The following DCC variants were observed in gnomAD, a reference collection of about 807,000 sequenced individuals.
DCC encodes the protein DCC netrin 1 receptor.
Under a neutral mutation model 172.5 loss-of-function variants are expected in DCC, and 58 were observed. The observed-to-expected ratio is 0.34, with a 90% CI of 0.27 to 0.42. The LOEUF (loss-of-function observed/expected upper bound fraction) is 0.42, where lower values mean the gene tolerates loss of function less well. DCC is among the 10% of genes least tolerant of loss of function. The pLI, the probability that DCC is intolerant of heterozygous loss-of-function variation, is 1.00. For synonymous variants in DCC, 709 were observed against 644.5 expected, an observed-to-expected ratio of 1.10 and a Z score of -1.52; for missense variants, 1,740 against 1,791.0, an observed-to-expected ratio of 0.97 and a Z score of 0.51.
chr18:53,215,490 G>A (rs1568370172), intron 11 of DCC, 58 bp from the exon 12 acceptor site: 7 of 1,280,050 alleles, frequency 5.5e-6, no homozygotes, highest in East Asian at 2.3e-5. Context: ...CTAGACAGGT[G>A]GTATTTTTCT....
At chr18:52,535,124 C>T (rs963660828) in intron 1 of DCC, among the ~76,000 whole-genome samples, 8 of 152,186 alleles carry the variant, frequency 5.3e-5, no homozygotes, top group East Asian at 3.9e-4. Flanking sequence ...CCAGCTCCAT[C>T]ATGGAAGAGA....
chr18:52,800,934 T>C (rs940118547), intron 2 of DCC, among the ~76,000 whole-genome samples: 2 of 152,292 alleles, frequency 1.3e-5, no homozygotes, highest in Non-Finnish European at 2.9e-5. Context: ...AGCTGGCGTA[T>C]TGGCAGGGTG....
intron 18 of DCC, among the ~76,000 whole-genome samples, chr18:53,399,969 A>G (rs1909191659): frequency 1.3e-5 from 2 of 152,106 alleles, no homozygotes. Context: ...GTGGACCAAG[A>G]TATTAATTAA....
intron 7 of DCC, among the ~76,000 whole-genome samples, chr18:53,149,952 T>G (rs1471119734): frequency 6.6e-6 from 1 of 152,144 alleles, no homozygotes; most frequent in Middle Eastern, 3.2e-3. Context: ...GGATACAAGG[T>G]CAGCCCAAAC....
intron 7 of DCC, among the ~76,000 whole-genome samples, chr18:53,119,428 C>T (rs190626866): frequency 7.8e-4 from 118 of 151,838 alleles, no homozygotes; most frequent in African/African-American, 2.7e-3. Flanking sequence ...CTGACCAAGG[C>T]CTCCATCCTC....
chr18:52,648,455 C>T (rs937475407), intron 1 of DCC, among the ~76,000 whole-genome samples: 6 of 152,176 alleles, frequency 3.9e-5, no homozygotes, highest in Admixed American at 6.5e-5. Flanking sequence ...TGCAAAGTAT[C>T]GCGTAACTAT....
At chr18:53,389,604 T>G (rs1908413879) in intron 16 of DCC, among the ~76,000 whole-genome samples, 1 of 152,136 alleles carries the variant, frequency 6.6e-6, no homozygotes, top group Non-Finnish European at 1.5e-5. Context: ...TCAAGAAGGA[T>G]GACAAGCCAC....
intron 1 of DCC, among the ~76,000 whole-genome samples, chr18:52,350,507 C>A (rs986076010): frequency 6.6e-6 from 1 of 151,556 alleles, no homozygotes; most frequent in African/African-American, 2.4e-5. Context: ...GGAACATCAT[C>A]ATACACCGGG....
chr18:52,962,181 A>AT (rs2040852927), intron 5 of DCC, among the ~76,000 whole-genome samples: 1 of 151,376 alleles, frequency 6.6e-6, no homozygotes, highest in South Asian at 2.1e-4. Context: ...AACCTACAAA[A>AT]TGGGAGAAAA....
intron 1 of DCC, among the ~76,000 whole-genome samples, chr18:52,542,806 T>C (rs1438086536): frequency 6.6e-6 from 1 of 151,958 alleles, no homozygotes; most frequent in African/African-American, 2.4e-5. Context: ...GCCATTGCAC[T>C]CCAGCCTGGG....
chr18:52,583,473 T>A (rs1015377167), intron 1 of DCC, among the ~76,000 whole-genome samples: 6 of 152,196 alleles, frequency 3.9e-5, no homozygotes, highest in African/African-American at 1.4e-4. Flanking sequence ...ATGTAAAGAG[T>A]TATACAAATT....
At chr18:52,756,986 A>T (rs111661060) in intron 2 of DCC, 1 of 152,258 alleles carries the variant, frequency 6.6e-6, no homozygotes, top group East Asian at 1.9e-4. Context: ...ATAGGCAACA[A>T]ATCCTGAGAC....
rs2036845571 is a variant in DCC, at chr18:52,742,935, T to A, written c.92-9119T>A. The stretch of plus-strand genomic sequence containing the variant: ...ATAAATGAAGAAATAATTAATTTCC[T>A]GGAAGGAAATGCACAGAAACTTTAA... On this transcript the variant is annotated intron_variant, in intron 1 of 28. Coordinates refer to ENST00000442544, the MANE Select transcript of DCC (RefSeq NM_005215.4). Among the ~76,000 whole-genome samples, 3 of 152,210 alleles carry A rather than the reference T, an allele frequency of 2.0e-5. No individual in the cohort carries two copies. In the South Asian group the frequency reaches 6.2e-4, roughly 32 times the overall value.
intron 1 of DCC, among the ~76,000 whole-genome samples, chr18:52,527,581 A>C (rs2032021291): frequency 6.6e-6 from 1 of 152,208 alleles, no homozygotes; most frequent in Non-Finnish European, 1.5e-5. Flanking sequence ...TGAGCTTATT[A>C]ATGTTTACAT....
chr18:52,894,872 T>A (rs1376697393), intron 2 of DCC, among the ~76,000 whole-genome samples: 1 of 152,170 alleles, frequency 6.6e-6, no homozygotes, highest in African/African-American at 2.4e-5. Flanking sequence ...AGTCTATTGA[T>A]TTAAATTTTA....
intron 7 of DCC, among the ~76,000 whole-genome samples, chr18:53,124,266 A>G (rs912519406): frequency 1.3e-5 from 2 of 152,124 alleles, no homozygotes; most frequent in East Asian, 1.9e-4. Context: ...AAGTAATAGA[A>G]CAATTAAGCA....
chr18:53,479,273 T>TC (rs2045803994), intron 25 of DCC, among the ~76,000 whole-genome samples: 5 of 152,210 alleles, frequency 3.3e-5, no homozygotes, highest in Admixed American at 3.3e-4. Context: ...CTTTGAGTCT[T>TC]CGATGACATA....
chr18:53,161,261 A>C (rs1387481277), intron 8 of DCC, among the ~76,000 whole-genome samples: 1 of 152,204 alleles, frequency 6.6e-6, no homozygotes, highest in African/African-American at 2.4e-5. Context: ...TCCTGTTGCT[A>C]ACCCAGTAGT....
chr18:52,979,874 C>A (rs1342486091), intron 5 of DCC, among the ~76,000 whole-genome samples: 1 of 152,194 alleles, frequency 6.6e-6, no homozygotes, highest in Non-Finnish European at 1.5e-5. Flanking sequence ...CAAGTGTACA[C>A]TTTCTCCACC....
Sources: allele counts gnomAD v4.1 joint callset (sites outside exome capture counted in the v4.1 genomes callset), GRCh38; gene constraint gnomAD v4.1.1; transcripts MANE v1.5; gene names NCBI Gene and HGNC (gene_info 2026-07-23, HGNC 2026-07-21).